The following SOX6 variants were observed in gnomAD, a reference collection of about 807,000 sequenced individuals.
SOX6 encodes the protein SRY-box transcription factor 6, also known as transcription factor SOX-6.
SOX6 carries 11 observed loss-of-function variants against 97.8 expected under a neutral mutation model. That is an observed-to-expected ratio of 0.11 (90% CI 0.07 to 0.19). The LOEUF is 0.19. SOX6 is among the 10% of genes least tolerant of loss of function. The pLI, the probability that SOX6 is intolerant of heterozygous loss-of-function variation, is 1.00. For synonymous variants in SOX6, 360 were observed against 371.4 expected, an observed-to-expected ratio of 0.97 and a Z score of 0.35; for missense variants, 810 against 1,039.5, an observed-to-expected ratio of 0.78 and a Z score of 3.04.
At chr11:16,696,633 A>T (rs1319427075) in intron 3 of SOX6, among the ~76,000 whole-genome samples, 1 of 152,230 alleles carries the variant, frequency 6.6e-6, no homozygotes, top group African/African-American at 2.4e-5. Flanking sequence ...TAAAAACAAT[A>T]TATGTACCTT....
intron 4 of SOX6, among the ~76,000 whole-genome samples, chr11:16,598,908 C>T (rs1848240178): frequency 6.6e-6 from 1 of 151,926 alleles, no homozygotes; most frequent in South Asian, 2.1e-4. Context: ...GCAAGGGTGA[C>T]AGATCATTTC....
intron 4 of SOX6, among the ~76,000 whole-genome samples, chr11:16,220,097 T>C (rs765003652): frequency 5.9e-5 from 9 of 152,068 alleles, no homozygotes; most frequent in Admixed American, 2.6e-4. Context: ...ATTCACATTA[T>C]AAAAATCTCA....
intron 4 of SOX6, among the ~76,000 whole-genome samples, chr11:16,599,340 G>T (rs1848243846): frequency 6.6e-6 from 1 of 152,056 alleles, no homozygotes; most frequent in South Asian, 2.1e-4. Flanking sequence ...GCAGCAAATT[G>T]AAGTTGGTCA....
At chr11:16,302,337 C>A (rs1392218900) in intron 3 of SOX6, among the ~76,000 whole-genome samples, 2 of 152,074 alleles carry the variant, frequency 1.3e-5, no homozygotes, top group Non-Finnish European at 2.9e-5. Context: ...AGTTGTGTCT[C>A]CTGTCCTAGT....
chr11:16,032,229 A>T (rs1450996740), intron 12 of SOX6, among the ~76,000 whole-genome samples: 1 of 152,076 alleles, frequency 6.6e-6, no homozygotes, highest in Non-Finnish European at 1.5e-5. Context: ...GTGCAGTAAA[A>T]AGTATAGAAT....
At chr11:16,523,698 G>GT (rs1861108279) in intron 4 of SOX6, among the ~76,000 whole-genome samples, 1 of 152,072 alleles carries the variant, frequency 6.6e-6, no homozygotes, top group Non-Finnish European at 1.5e-5. Flanking sequence ...CCAGGAGCTG[G>GT]TTTTTTGAAA....
chr11:16,169,638 T>C (rs369688444), intron 6 of SOX6, among the ~76,000 whole-genome samples: 2 of 152,222 alleles, frequency 1.3e-5, no homozygotes, highest in South Asian at 2.1e-4. Context: ...ACAGAAAATG[T>C]TGAAATAAAG....
At chr11:16,573,963 C>T (rs1478292730) in intron 4 of SOX6, among the ~76,000 whole-genome samples, 1 of 151,916 alleles carries the variant, frequency 6.6e-6, no homozygotes, top group African/African-American at 2.4e-5. Context: ...AAATTATAAG[C>T]TTTAGTGGGA....
In SOX6 at chr11:16,392,652, T is replaced by C. The variant is rs115728625; in HGVS notation, c.-4-51400A>G. ...AAATGATTCCTCTTGTTTCCCTTTA[T>C]AGTACAGTTCCACTCACACCAATTC... On this transcript the variant is annotated intron_variant, in intron 1 of 15. Transcript: ENST00000396356. 5.1e-3 allele frequency among the ~76,000 whole-genome samples: 782 copies of C among 152,250 alleles called. 6 individuals carry two copies. The highest frequency in any genetic ancestry group is 0.018 in the African/African-American group (742 of 41,556).
At chr11:16,005,689 T>TA (rs1435480681) in intron 13 of SOX6, among the ~76,000 whole-genome samples, 1 of 151,980 alleles carries the variant, frequency 6.6e-6, no homozygotes, top group East Asian at 1.9e-4. Context: ...ACCACCAAAG[T>TA]AAAAAATACA....
chr11:16,331,998 T>C (rs1248776481), intron 2 of SOX6, among the ~76,000 whole-genome samples: 1 of 152,278 alleles, frequency 6.6e-6, no homozygotes, highest in East Asian at 1.9e-4. Flanking sequence ...TTCCTTGACC[T>C]ACCGTGTCAT....
intron 4 of SOX6, among the ~76,000 whole-genome samples, chr11:16,493,655 G>C (rs973414022): frequency 4.6e-5 from 7 of 151,804 alleles, no homozygotes; most frequent in African/African-American, 1.7e-4. Flanking sequence ...ATAATAAAAA[G>C]GTTAAAAACA....
intron 3 of SOX6, among the ~76,000 whole-genome samples, chr11:16,627,659 G>C (rs999856508): frequency 1.3e-5 from 2 of 152,080 alleles, no homozygotes; most frequent in East Asian, 3.9e-4. Flanking sequence ...TGTTTTCCTT[G>C]TTCAATTGTT....
intron 9 of SOX6, among the ~76,000 whole-genome samples, chr11:16,064,414 G>A (rs1848040510): frequency 6.8e-6 from 1 of 147,796 alleles, no homozygotes; most frequent in Admixed American, 6.7e-5. Context: ...TAGCCTACCA[G>A]AATCCACCCC....
At chr11:16,283,784 ACT>A (rs1374231622) in intron 3 of SOX6, 3 of 274,466 alleles carry the variant, frequency 1.1e-5, no homozygotes, top group African/African-American at 2.3e-5. Context: ...CAGAGAGGAA[ACT>A]CTATTCAATG....
At chr11:16,499,947 C>T (rs914779609) in intron 4 of SOX6, among the ~76,000 whole-genome samples, 1 of 152,178 alleles carries the variant, frequency 6.6e-6, no homozygotes, top group Non-Finnish European at 1.5e-5. Flanking sequence ...GGAATCCTCC[C>T]TAACTCATTT....
chr11:16,180,286 A>G (rs1405854157), intron 6 of SOX6, among the ~76,000 whole-genome samples: 2 of 151,780 alleles, frequency 1.3e-5, no homozygotes, highest in African/African-American at 4.8e-5. Context: ...CTCAGAAGTA[A>G]AATGCTTCGA....
intron 4 of SOX6, among the ~76,000 whole-genome samples, chr11:16,215,580 G>C (rs1007868002): frequency 6.6e-6 from 1 of 152,122 alleles, no homozygotes; most frequent in Non-Finnish European, 1.5e-5. Flanking sequence ...AGCCAGAGAT[G>C]ATTCACTGTT....
intron 12 of SOX6, among the ~76,000 whole-genome samples, chr11:16,022,059 C>A (rs183653948): frequency 1.5e-3 from 229 of 152,188 alleles, no homozygotes; most frequent in Admixed American, 4.6e-4. Context: ...TGAGCCTGTT[C>A]CCCCCTTTGT....
Sources: allele counts gnomAD v4.1 joint callset (sites outside exome capture counted in the v4.1 genomes callset), GRCh38; gene constraint gnomAD v4.1.1; transcripts MANE v1.5; gene names NCBI Gene and HGNC (gene_info 2026-07-23, HGNC 2026-07-21).